The following ARHGEF3 variants were observed in gnomAD, a reference collection of about 807,000 sequenced individuals.
The protein encoded by ARHGEF3 is Rho guanine nucleotide exchange factor 3, also known as 59.8 kDA protein.
Under a neutral mutation model 63.2 loss-of-function variants are expected in ARHGEF3, and 28 were observed. That is an observed-to-expected ratio of 0.44 (90% CI 0.33 to 0.61). ARHGEF3 has a LOEUF of 0.61. Ranked by LOEUF, ARHGEF3 falls within the 20% of genes least tolerant of loss-of-function variation. ARHGEF3 has a pLI of 0.03. For missense variants in ARHGEF3, 533 were observed against 659.3 expected (o/e 0.81, Z 2.10); for synonymous variants, 266 against 254.2 (o/e 1.05, Z -0.44).
chr3:56,751,089 C>A lies in ARHGEF3; in HGVS notation c.579G>T (p.Ser193=), dbSNP rs376452675. ...QLRDVRKPDG[S]TEHVGPILVG... ...CGAGGATGGGACCAACATGTTCAGT[C>A]GAGCCATCAGGCTTCCTAACATCTC... is the stretch of plus-strand genomic sequence containing the variant. Residue 193 remains serine, a synonymous_variant, in exon 6 of 10, where the codon TCG becomes TCT. Coordinates refer to ENST00000296315, the MANE Select transcript of ARHGEF3 (RefSeq NM_019555.3). 1 of 1,614,050 alleles carries A rather than the reference C, an allele frequency of 6.2e-7. No individual in the cohort carries two copies. The highest frequency in any genetic ancestry group is 2.2e-5 in the East Asian group (1 of 44,884).
intron 1 of ARHGEF3, among the ~76,000 whole-genome samples, chr3:57,039,357 G>A (rs1301015229): frequency 6.6e-6 from 1 of 152,176 alleles, no homozygotes. Flanking sequence ...TGCTGTTGCT[G>A]GGAACATAAA....
intron 4 of ARHGEF3, among the ~76,000 whole-genome samples, chr3:56,867,462 TA>T (rs954611656): frequency 8.8e-5 from 4 of 45,496 alleles, no homozygotes; most frequent in African/African-American, 3.7e-4. Context: ...AAATGCTATT[TA>T]TTTATTTATT....
chr3:56,997,489 C>G (rs1348336862), intron 2 of ARHGEF3, among the ~76,000 whole-genome samples: 1 of 152,216 alleles, frequency 6.6e-6, no homozygotes, highest in Admixed American at 6.5e-5. Context: ...GCAAACTCTG[C>G]CCCCCTAAGA....
rs76543822 is a variant in ARHGEF3 at position 56,916,806 on chromosome 3, G to C, written c.130-34452C>G. On this transcript the variant is annotated intron_variant, in intron 3 of 12. Coordinates refer to the ARHGEF3 transcript ENST00000338458. ...GAGGAGAGCTTTGGGTCTTCAAAGAGGAATCAATGATCTACTTGAACTTTA... is the reference window on the plus strand; with the variant it reads ...GAGGAGAGCTTTGGGTCTTCAAAGACGAATCAATGATCTACTTGAACTTTA... Among the ~76,000 whole-genome samples, 713 of 152,312 alleles carry C rather than the reference G, an allele frequency of 4.7e-3. 2 individuals are homozygous for C. The highest frequency in any genetic ancestry group is 0.016 in the African/African-American group (685 of 41,562).
At chr3:56,880,515 A>C (rs1360580067) in intron 4 of ARHGEF3, among the ~76,000 whole-genome samples, 1 of 152,166 alleles carries the variant, frequency 6.6e-6, no homozygotes, top group Non-Finnish European at 1.5e-5. Context: ...TGAAAAATGG[A>C]TATCAATATA....
intron 4 of ARHGEF3, among the ~76,000 whole-genome samples, chr3:56,845,922 C>T (rs2039473640): frequency 6.6e-6 from 1 of 152,180 alleles, no homozygotes; most frequent in Non-Finnish European, 1.5e-5. Flanking sequence ...ATTTTAATTT[C>T]CCCAGTGCCC....
At position 57,001,915 on chromosome 3, in the gene ARHGEF3, G is replaced by GTTTTTTTTTTTTTTTTTTTTTTTT. The variant is rs1410825594; in HGVS notation, c.62+33172_62+33173insAAAAAAAAAAAAAAAAAAAAAAAA. 3.7e-5 allele frequency among the ~76,000 whole-genome samples: 2 copies of GTTTTTTTTTTTTTTTTTTTTTTTT among 53,718 alleles called. 1 individual carries two copies. 35.2% of individuals were successfully genotyped at this position (53,718 alleles called of 152,430 possible). On this transcript the variant is annotated intron_variant, in intron 2 of 12. Coordinates refer to the ARHGEF3 transcript ENST00000338458. ...AAATCCTAAAACCCAAAGTGAGATA[G>GTTTTTTTTTTTTTTTTTTTTTTTT]TTTTTTTTTTTTTTGTTTTTTGTTT...
intron 2 of ARHGEF3, among the ~76,000 whole-genome samples, chr3:56,978,102 C>T (rs994578164): frequency 2.8e-4 from 42 of 152,288 alleles, no homozygotes; most frequent in African/African-American, 1.0e-3. Flanking sequence ...GCGGTCACCC[C>T]CGCCCCGTAC....
chr3:57,024,136 C>T (rs1483215311), intron 2 of ARHGEF3, among the ~76,000 whole-genome samples: 2 of 152,082 alleles, frequency 1.3e-5, no homozygotes, highest in African/African-American at 2.4e-5. Context: ...ACACAGCACT[C>T]GGGAACCCAC....
At position 56,967,402 on chromosome 3, in the gene ARHGEF3, A is replaced by ATAT. The variant is rs1314223842; in HGVS notation, c.63-8516_63-8514dup. Among the ~76,000 whole-genome samples the ATAT allele has an allele frequency of 2.1e-4, 12 of 56,208 alleles. 1 individual carries two copies. In the East Asian group the frequency reaches 3.5e-3, roughly 16 times the overall value. 36.9% of individuals were successfully genotyped at this position (56,208 alleles called of 152,430 possible). Reference sequence around the variant, plus strand: ...TATTATACATATTATATATTATATAATATATTATATATTATACATATTATA... The same window carrying ATAT: ...TATTATACATATTATATATTATATAATATTATATTATATATTATACATATTATA... On this transcript the variant is annotated intron_variant, in intron 2 of 12. Coordinates refer to the ARHGEF3 transcript ENST00000338458.
At chr3:57,036,728 A>G (rs908942342) in intron 1 of ARHGEF3, among the ~76,000 whole-genome samples, 27 of 152,342 alleles carry the variant, frequency 1.8e-4, no homozygotes, top group African/African-American at 6.0e-4. Flanking sequence ...CCAGCCTGTC[A>G]TCGTCCAGGC....
intron 3 of ARHGEF3, among the ~76,000 whole-genome samples, chr3:56,943,701 G>A (rs994848908): frequency 2.6e-5 from 4 of 152,132 alleles, no homozygotes; most frequent in Admixed American, 2.6e-4. Flanking sequence ...AATCACTTGA[G>A]GTCAGGAGTT....
upstream of ARHGEF3, among the ~76,000 whole-genome samples, chr3:56,804,844 A>G (rs2037803380): frequency 6.6e-6 from 1 of 152,186 alleles, no homozygotes; most frequent in Non-Finnish European, 1.5e-5. Flanking sequence ...CCTCATCTCC[A>G]AGTAGCCCCT....
At chr3:56,799,775 A>T (rs918103117) in intron 1 of ARHGEF3, among the ~76,000 whole-genome samples, 9 of 152,234 alleles carry the variant, frequency 5.9e-5, no homozygotes, top group African/African-American at 2.2e-4. Flanking sequence ...TTCCATTATC[A>T]GGAAGTGATA....
At chr3:56,989,050 A>G (rs1416219369) in intron 2 of ARHGEF3, among the ~76,000 whole-genome samples, 2 of 152,164 alleles carry the variant, frequency 1.3e-5, no homozygotes, top group Non-Finnish European at 2.9e-5. Context: ...CCAAGGAGAA[A>G]GACAGCACCG....
intron 1 of ARHGEF3, among the ~76,000 whole-genome samples, chr3:56,782,161 A>G (rs1362786585): frequency 6.6e-6 from 1 of 152,216 alleles, no homozygotes; most frequent in Non-Finnish European, 1.5e-5. Flanking sequence ...TTTCCATTGA[A>G]ATATTTTTTC....
chr3:56,964,595 A>G (rs948623439), intron 2 of ARHGEF3, among the ~76,000 whole-genome samples: 2 of 152,208 alleles, frequency 1.3e-5, no homozygotes, highest in African/African-American at 4.8e-5. Flanking sequence ...TCAGCAGTGG[A>G]CAAGAAATTC....
At chr3:56,770,576 G>A (rs2035952705) in intron 2 of ARHGEF3, among the ~76,000 whole-genome samples, 1 of 152,162 alleles carries the variant, frequency 6.6e-6, no homozygotes, top group African/African-American at 2.4e-5. Context: ...ACCAAGGTGA[G>A]TTACAAGAAG....
Position 56,801,931 on chromosome 3 carries a change from A to G in ARHGEF3, c.-133T>C, listed in dbSNP as rs1301325277. Reference sequence around the variant, plus strand: ...ACACGGAGACCGACAGCCGGCTTCTAGCCGGGCAGGACTCGACTGGGCTCC... The same window carrying G: ...ACACGGAGACCGACAGCCGGCTTCTGGCCGGGCAGGACTCGACTGGGCTCC... On this transcript the variant is annotated 5_prime_UTR_variant, in exon 1 of 10. Coordinates refer to ENST00000296315, the MANE Select transcript of ARHGEF3 (RefSeq NM_019555.3). 6.7e-7 allele frequency: 1 copy of G among 1,491,820 alleles called. No individual in the cohort carries two copies. The highest frequency in any genetic ancestry group is 9.0e-7 in the Non-Finnish European group (1 of 1,116,744). 92.4% of individuals were successfully genotyped at this position (1,491,820 alleles called of 1,614,324 possible). A position where few individuals can be genotyped will look rare whatever the true frequency, so the allele number is the denominator to read the frequency against.
Sources: gnomAD v4.1 joint callset for allele counts (sites outside exome capture counted in the v4.1 genomes callset) on GRCh38, gnomAD v4.1.1 for gene constraint, MANE v1.5 for transcripts, NCBI Gene and HGNC (gene_info 2026-07-23, HGNC 2026-07-21) for gene names.